GRK6: variants seen among roughly 807,000 people sequenced by gnomAD.
GRK6 encodes the protein G protein-coupled receptor kinase 6.
A neutral mutation model predicts 80.8 loss-of-function variants in GRK6; 37 were observed. The ratio of observed to expected loss-of-function variants is 0.46; its 90% CI spans 0.35 to 0.60. GRK6 has a LOEUF of 0.60. GRK6 is among the 20% of genes least tolerant of loss of function. The probability of loss-of-function intolerance (pLI) is 0.00; values close to 1 mark genes in which losing one functional copy is unlikely to be tolerated. For synonymous variants in GRK6, 295 were observed against 320.9 expected (o/e 0.92, Z 0.86); for missense variants, 560 against 784.6 (o/e 0.71, Z 3.42).
intron 2 of GRK6, 190 bp from the exon 3 acceptor site, chr5:177,431,805 C>G: frequency 1.6e-6 from 1 of 616,748 alleles, no homozygotes. Context: ...CAGTTAGCCT[C>G]TCTGGGCCTC....
At chr5:177,441,137 G>T (rs766126782) in intron 15 of GRK6, 84 bp downstream of exon 15, 3 of 1,543,588 alleles carry the variant, frequency 1.9e-6, no homozygotes, top group Admixed American at 3.7e-5. Context: ...GCCCGCATGC[G>T]CTGGGAGTGG....
intron 13 of GRK6, among the ~76,000 whole-genome samples, chr5:177,438,087 G>A (rs1010241769): frequency 4.6e-5 from 7 of 152,118 alleles, no homozygotes; most frequent in African/African-American, 9.7e-5. Flanking sequence ...TAAAGCAAGC[G>A]GCTGGGTGCG....
At chr5:177,433,761 T>A in intron 8 of GRK6, 85 bp downstream of exon 8, 1 of 1,556,620 alleles carries the variant, frequency 6.4e-7, no homozygotes, top group Non-Finnish European at 8.8e-7. Context: ...CCCTCCCATG[T>A]GGGATGCCAG....
rs1763801643 is a variant in GRK6 at position 177,429,539 on chromosome 5, A to C, written c.53-1333A>C. Among the ~76,000 whole-genome samples the C allele has an allele frequency of 6.6e-6, 1 of 152,178 alleles. No individual in the cohort carries two copies. The highest frequency in any genetic ancestry group is 6.5e-5 in the Admixed American group (1 of 15,284). ...TCACTCACAGTGAAGCAATGACTGC[A>C]GGGCATGTTCGCAGGAGGCCTCTAG... On this transcript the variant is annotated intron_variant, in intron 1 of 15. Transcript: ENST00000355472. This position sits in a 1 kb window ranked among gnomAD's most constrained non-coding sequence, Gnocchi z 4.3.
chr5:177,442,274 C>T lies in GRK6; in HGVS notation c.*484C>T, dbSNP rs1324328436. 5.9e-6 allele frequency: 1 copy of T among 168,532 alleles called. No individual in the cohort carries two copies. The highest frequency in any genetic ancestry group is 1.3e-5 in the Non-Finnish European group (1 of 77,990). The allele number at this position is 168,532 out of a possible 1,614,324, so 10.4% of individuals were successfully genotyped here. A position where few individuals can be genotyped will look rare whatever the true frequency, so the allele number is the denominator to read the frequency against. On this transcript the variant is annotated 3_prime_UTR_variant, in exon 16 of 16. Transcript: ENST00000355472. ...CCCGGCCTCTGAGTAAGACTCGTGC[C>T]TCCCCCTGCTGCCCTGGGCTCAGGC...
At chr5:177,427,037 T>G in intron 1 of GRK6, 140 bp downstream of exon 1, 1 of 388,114 alleles carries the variant, frequency 2.6e-6, no homozygotes, top group Non-Finnish European at 4.1e-6. Flanking sequence ...ACACGAGCCT[T>G]TCCGGCCCGT....
Position 177,442,072 on chromosome 5 carries a change from C to T in GRK6, c.*282C>T. On this transcript the variant is annotated 3_prime_UTR_variant, in exon 16 of 16. Transcript: ENST00000355472. ...GTACGAATGTATATAGCGACCAGAGCATTCTTAATTCCCGCCGCAGACCTG... is the reference window on the plus strand; with the variant it reads ...GTACGAATGTATATAGCGACCAGAGTATTCTTAATTCCCGCCGCAGACCTG... 2 of 432,868 alleles carry T rather than the reference C, an allele frequency of 4.6e-6. No individual in the cohort carries two copies. The allele number at this position is 432,868 out of a possible 1,614,324, so 26.8% of individuals were successfully genotyped here. A position where few individuals can be genotyped will look rare whatever the true frequency, so the allele number is the denominator to read the frequency against.
chr5:177,431,863 T>G, intron 2 of GRK6, 132 bp from the exon 3 acceptor site: 1 of 795,430 alleles, frequency 1.3e-6, no homozygotes, highest in East Asian at 2.5e-5. Flanking sequence ...GTGAGGGTTC[T>G]GAAGAAGATT....
rs1763816994 is a variant in GRK6 at position 177,429,916 on chromosome 5, C to A, written c.53-956C>A. ...CCACAGTGTGAATCAGAGATTCAGACCCAGCTCTGGGAGGCTCAGGCCCCT... is the reference window on the plus strand; with the variant it reads ...CCACAGTGTGAATCAGAGATTCAGAACCAGCTCTGGGAGGCTCAGGCCCCT... On this transcript the variant is annotated intron_variant, in intron 1 of 15. Transcript: ENST00000355472. This position sits in a 1 kb window ranked among gnomAD's most constrained non-coding sequence, Gnocchi z 4.3. Among the ~76,000 whole-genome samples, 1 of 152,200 alleles carries A rather than the reference C, an allele frequency of 6.6e-6. No individual in the cohort carries two copies. The highest frequency in any genetic ancestry group is 2.1e-4 in the South Asian group (1 of 4,832).
At chr5:177,432,439 G>T in intron 4 of GRK6, 129 bp downstream of exon 4, 1 of 975,240 alleles carries the variant, frequency 1.0e-6, no homozygotes, top group Non-Finnish European at 1.6e-6. Flanking sequence ...AGCCTGGACA[G>T]AGAGTGCCCT....
Position 177,427,295 on chromosome 5 carries a change from G to T in GRK6, c.52+398G>T, listed in dbSNP as rs73338016. On this transcript the variant is annotated intron_variant, in intron 1 of 15. Coordinates refer to ENST00000355472, the MANE Select transcript of GRK6 (RefSeq NM_001004106.3). ...TAGCCTAATCCCGCGCAAAGTTGGC[G>T]ATAGGTAAAGCTGGAGAATGAATAA... 2.6e-3 allele frequency among the ~76,000 whole-genome samples: 394 copies of T among 152,344 alleles called. 3 individuals carry two copies. Among genetic ancestry groups the T allele is most frequent in the African/African-American group, 7.8e-3 (326 of 41,590 alleles).
At chr5:177,433,860 G>A in intron 8 of GRK6, 54 bp from the exon 9 acceptor site, 8 of 1,505,908 alleles carry the variant, frequency 5.3e-6, no homozygotes, top group Non-Finnish European at 7.1e-6. Flanking sequence ...GGGCAGCCCT[G>A]CCGCCAAGCG....
rs1050034113 is a variant in GRK6 at position 177,428,779 on chromosome 5, G to A, written c.52+1882G>A. On this transcript the variant is annotated intron_variant, in intron 1 of 15. Coordinates refer to ENST00000355472, the MANE Select transcript of GRK6 (RefSeq NM_001004106.3). The surrounding 1 kb of genome is among the most constrained non-coding windows in gnomAD (Gnocchi z 4.1). ...ACTTCAGTACCCCTTTTTGTGGAAC[G>A]GTTGGGGGTGGGACATAAAGACTAA... is the stretch of plus-strand genomic sequence containing the variant. 3.9e-5 allele frequency among the ~76,000 whole-genome samples: 6 copies of A among 152,074 alleles called. No homozygotes were observed. The highest frequency in any genetic ancestry group is 2.1e-4 in the South Asian group (1 of 4,836).
In GRK6 at chr5:177,432,116, AG is replaced by A; in HGVS notation, c.261+10del. 1 of 1,609,340 alleles carries A rather than the reference AG, an allele frequency of 6.2e-7. No individual in the cohort carries two copies. The highest frequency in any genetic ancestry group is 8.5e-7 in the Non-Finnish European group (1 of 1,177,210). On this transcript the variant is annotated intron_variant, in intron 3 of 15. Coordinates refer to ENST00000355472, the MANE Select transcript of GRK6 (RefSeq NM_001004106.3). ...CCTTCCTGGATGGGGTGGTGAGTGC[AG>A]CCCAGCCCTGCCCAGCCCCGCGGGT...
At chr5:177,434,570 G>A (rs879055497) in intron 9 of GRK6, among the ~76,000 whole-genome samples, 1 of 152,172 alleles carries the variant, frequency 6.6e-6, no homozygotes, top group Non-Finnish European at 1.5e-5. Context: ...GTCAGGGGAC[G>A]GATGAGTAGT....
rs1298344872 is a variant in GRK6, at chr5:177,440,723, T to C, written c.1428T>C (p.Asp476=). 1.9e-6 allele frequency: 3 copies of C among 1,614,080 alleles called. No individual in the cohort carries two copies. Among genetic ancestry groups the C allele is most frequent in the Non-Finnish European group, 1.7e-6 (2 of 1,180,032 alleles). ...AGCCCCAGGCCATTTACTGCAAGGA[T>C]GTTCTGGACATTGAACAGTTCTCTA... is the stretch of plus-strand genomic sequence containing the variant. ...KPDPQAIYCK[D]VLDIEQFSTV... is the part of the protein sequence containing the mutation. Residue 476 remains aspartate (D), a synonymous_variant, in exon 14 of 16, where the codon GAT becomes GAC. Coordinates refer to ENST00000355472, the MANE Select transcript of GRK6 (RefSeq NM_001004106.3).
rs1307875235 is a variant in GRK6 at position 177,442,041 on chromosome 5, G to A, written c.*251G>A. 1.8e-6 allele frequency: 1 copy of A among 552,158 alleles called. No individual in the cohort carries two copies. Among genetic ancestry groups the A allele is most frequent in the Non-Finnish European group, 3.2e-6 (1 of 312,968 alleles). The allele number at this position is 552,158 out of a possible 1,614,324, so 34.2% of individuals were successfully genotyped here. ...GGAGCTCGGGGCTTTCTGTATTTAT[G>A]TATTTGTACGAATGTATATAGCGAC... On this transcript the variant is annotated 3_prime_UTR_variant, in exon 16 of 16. Transcript: ENST00000355472.
At chr5:177,427,537 C>G (rs1732396303) in intron 1 of GRK6, among the ~76,000 whole-genome samples, 2 of 152,214 alleles carry the variant, frequency 1.3e-5, no homozygotes, top group African/African-American at 4.8e-5. Flanking sequence ...GCTCAGAGGT[C>G]TGGCTGGGGA....
chr5:177,438,935 T>C (rs1304714221), intron 13 of GRK6: 1 of 152,218 alleles, frequency 6.6e-6, no homozygotes, highest in East Asian at 1.9e-4. Context: ...TGCCAGACTG[T>C]TTTCCAAAGC....
Sources: allele counts gnomAD v4.1 joint callset (sites outside exome capture counted in the v4.1 genomes callset), GRCh38; gene constraint gnomAD v4.1.1; non-coding constraint Gnocchi (gnomAD v3.1); transcripts MANE v1.5; gene names NCBI Gene and HGNC (gene_info 2026-07-23, HGNC 2026-07-21).